SEPTIN14: variants seen among roughly 807,000 people sequenced by gnomAD.
SEPTIN14 encodes the protein septin-14.
Under a neutral mutation model 53.6 loss-of-function variants are expected in SEPTIN14, and 40 were observed. The observed-to-expected ratio is 0.75, with a 90% CI of 0.58 to 0.97. The LOEUF is 0.97. Among genes scored for constraint, SEPTIN14 ranks in the 50% least tolerant of loss-of-function variants. The pLI, the probability that SEPTIN14 is intolerant of heterozygous loss-of-function variation, is 0.00. For synonymous variants in SEPTIN14, 138 were observed against 166.8 expected, an observed-to-expected ratio of 0.83 and a Z score of 1.33; for missense variants, 471 against 508.2, an observed-to-expected ratio of 0.93 and a Z score of 0.70.
At position 55,795,814 on chromosome 7, in the gene SEPTIN14, T is replaced by A; in HGVS notation, c.*99A>T. 1.0e-6 allele frequency: 1 copy of A among 953,584 alleles called. No homozygotes were observed. Among genetic ancestry groups the A allele is most frequent in the Non-Finnish European group, 1.6e-6 (1 of 618,758 alleles). 59.1% of individuals were successfully genotyped at this position (953,584 alleles called of 1,614,324 possible). A position where few individuals can be genotyped will look rare whatever the true frequency, so the allele number is the denominator to read the frequency against. ...GGAAAATATACAATAAGCAAGCCAA[T>A]TTTTAAAATGAGAACTTCAGAGTTA... On this transcript the variant is annotated 3_prime_UTR_variant, in exon 10 of 10. Transcript: ENST00000388975.
chr7:55,798,615 G>C, intron 9 of SEPTIN14: 1 of 360,900 alleles, frequency 2.8e-6, no homozygotes, highest in South Asian at 2.4e-5. Context: ...GACCACATCC[G>C]GCAGCCCGTG....
chr7:55,807,808 G>A (rs1034313744), intron 7 of SEPTIN14, among the ~76,000 whole-genome samples: 4 of 151,950 alleles, frequency 2.6e-5, no homozygotes, highest in African/African-American at 7.2e-5. Flanking sequence ...GTGAAGACAC[G>A]GAAAGATATT....
intron 2 of SEPTIN14, among the ~76,000 whole-genome samples, chr7:55,859,738 T>C (rs1015938901): frequency 2.6e-5 from 4 of 152,112 alleles, no homozygotes; most frequent in Admixed American, 2.0e-4. Flanking sequence ...ACTGGGTATA[T>C]ACCCAAAGGA....
At chr7:55,851,788 C>G (rs1789518924) in intron 2 of SEPTIN14, among the ~76,000 whole-genome samples, 1 of 152,066 alleles carries the variant, frequency 6.6e-6, no homozygotes, top group South Asian at 2.1e-4. Context: ...GTGGGTGGAT[C>G]ATGAGGTCAG....
chr7:55,812,122 AT>A (rs1788715001), intron 7 of SEPTIN14, among the ~76,000 whole-genome samples: 1 of 152,156 alleles, frequency 6.6e-6, no homozygotes, highest in Non-Finnish European at 1.5e-5. Flanking sequence ...GTGTGCAGGT[AT>A]TTTACTTCCT....
At chr7:55,829,388 AAAG>A (rs914274224) in intron 6 of SEPTIN14, among the ~76,000 whole-genome samples, 32 of 151,286 alleles carry the variant, frequency 2.1e-4, no homozygotes, top group Non-Finnish European at 3.8e-4. Flanking sequence ...CAAAAAAAAA[AAAG>A]AAAGAAAGAA....
intron 7 of SEPTIN14, chr7:55,811,486 T>C (rs1201321324): frequency 3.0e-6 from 1 of 334,198 alleles, no homozygotes; most frequent in African/African-American, 2.2e-5. Flanking sequence ...TTAAATCAAG[T>C]TTTACAGTTC....
chr7:55,821,359 G>T (rs1437626171), intron 6 of SEPTIN14, among the ~76,000 whole-genome samples: 1 of 152,156 alleles, frequency 6.6e-6, no homozygotes, highest in Admixed American at 6.5e-5. Context: ...TCAGGGCAGG[G>T]TGGGTAACCT....
In SEPTIN14 at chr7:55,835,185, T is replaced by TTTTATTTATTTATTTATTTA. The variant is rs560812909; in HGVS notation, c.559-619_559-600dup. ...GTAAATAGTAGGACAATGTAAATTA[T>TTTTATTTATTTATTTATTTA]TTTATTTATTTATTTATTTATTTAT... On this transcript the variant is annotated intron_variant, in intron 5 of 9. Coordinates refer to ENST00000388975, the MANE Select transcript of SEPTIN14 (RefSeq NM_207366.3). Among the ~76,000 whole-genome samples, 251 of 151,618 alleles carry TTTTATTTATTTATTTATTTA rather than the reference T, an allele frequency of 1.7e-3. 1 individual carries two copies. The highest frequency in any genetic ancestry group is 0.01 in the Middle Eastern group (3 of 294).
intron 7 of SEPTIN14, among the ~76,000 whole-genome samples, chr7:55,817,596 A>G (rs1349246936): frequency 6.6e-6 from 1 of 151,650 alleles, no homozygotes; most frequent in African/African-American, 2.4e-5. Context: ...CAGCCTCCCA[A>G]GTAGCTGGGA....
rs139569390 is a variant in SEPTIN14 at position 55,821,916 on chromosome 7, C to T, written c.721-2693G>A. On this transcript the variant is annotated intron_variant, in intron 6 of 9. Transcript: ENST00000388975. ...AGGCTTAATTGGACTTACAGTTCCACATGGCAGGGGAGGCCTTAGAAGCAT... is the reference window on the plus strand; with the variant it reads ...AGGCTTAATTGGACTTACAGTTCCATATGGCAGGGGAGGCCTTAGAAGCAT... Among the ~76,000 whole-genome samples the T allele has an allele frequency of 9.2e-3, 1,402 of 152,256 alleles. 19 individuals carry two copies. The highest frequency in any genetic ancestry group is 0.032 in the African/African-American group (1,335 of 41,542).
chr7:55,862,155 T>C, intron 1 of SEPTIN14, 144 bp from the exon 2 acceptor site: 1 of 586,908 alleles, frequency 1.7e-6, no homozygotes, highest in Non-Finnish European at 2.9e-6. Context: ...TGTTTTAAAC[T>C]GTGGCTGTCT....
In SEPTIN14 at chr7:55,798,717, T is replaced by C. The variant is rs532237251; in HGVS notation, c.1120-2625A>G. The C allele has an allele frequency of 7.4e-5, 18 of 242,650 alleles. No individual in the cohort carries two copies. In the East Asian group the frequency reaches 1.8e-3, roughly 25 times the overall value. The allele number at this position is 242,650 out of a possible 1,614,324, so 15.0% of individuals were successfully genotyped here. A position where few individuals can be genotyped will look rare whatever the true frequency, so the allele number is the denominator to read the frequency against. ...CAGGACAACTGGACCGTCAGCCAGA[T>C]CCTGGGCGAGTGGTGGTACACTCTG... On this transcript the variant is annotated intron_variant, in intron 9 of 9. Coordinates refer to ENST00000388975, the MANE Select transcript of SEPTIN14 (RefSeq NM_207366.3).
At chr7:55,847,855 T>G (rs1440158825) in intron 2 of SEPTIN14, among the ~76,000 whole-genome samples, 2 of 152,230 alleles carry the variant, frequency 1.3e-5, no homozygotes, top group African/African-American at 4.8e-5. Context: ...AGTTACCAAC[T>G]GATCATTTTT....
At chr7:55,807,353 T>C (rs1439042417) in intron 7 of SEPTIN14, 95 bp from the exon 8 acceptor site, 1 of 754,300 alleles carries the variant, frequency 1.3e-6, no homozygotes, top group Non-Finnish European at 2.1e-6. Flanking sequence ...AAAAACACAT[T>C]TAAAATAACA....
rs559902758 is a variant in SEPTIN14, at chr7:55,828,445, C to T, written c.720+5980G>A. ...TCAGCCTCCTGAGTAGCTGGGACTA[C>T]AGGCACCCACTACCACGCCCGGCTA... On this transcript the variant is annotated intron_variant, in intron 6 of 9. Transcript: ENST00000388975. Among the ~76,000 whole-genome samples the T allele has an allele frequency of 4.0e-3, 616 of 152,166 alleles. 3 individuals are homozygous for T. Among genetic ancestry groups the T allele is most frequent in the Non-Finnish European group, 5.3e-3 (362 of 68,014 alleles).
chr7:55,838,452 C>T (rs1789246212), intron 5 of SEPTIN14, among the ~76,000 whole-genome samples: 1 of 151,900 alleles, frequency 6.6e-6, no homozygotes, highest in African/African-American at 2.4e-5. Context: ...GTTTCTCTTT[C>T]TTCCTTTTCT....
chr7:55,852,625 T>C (rs985972875), intron 2 of SEPTIN14, among the ~76,000 whole-genome samples: 2 of 152,168 alleles, frequency 1.3e-5, no homozygotes, highest in Non-Finnish European at 2.9e-5. Flanking sequence ...GACATTGACC[T>C]GGGCAAATAT....
chr7:55,809,981 C>T (rs546936384), intron 7 of SEPTIN14, among the ~76,000 whole-genome samples: 2 of 151,718 alleles, frequency 1.3e-5, no homozygotes, highest in South Asian at 2.1e-4. Context: ...TACAGGCGCC[C>T]GTCACTACGC....
Sources: gnomAD v4.1 joint callset for allele counts (sites outside exome capture counted in the v4.1 genomes callset) on GRCh38, gnomAD v4.1.1 for gene constraint, MANE v1.5 for transcripts, NCBI Gene and HGNC (gene_info 2026-07-23, HGNC 2026-07-21) for gene names.